ZFYVE16: variants seen among roughly 807,000 people sequenced by gnomAD.
The protein encoded by ZFYVE16 is zinc finger FYVE domain-containing protein 16.
ZFYVE16 carries 89 observed loss-of-function variants against 138.1 expected under a neutral mutation model. That is an observed-to-expected ratio of 0.64 (90% CI 0.54 to 0.77). ZFYVE16 has a LOEUF of 0.77. Among genes scored for constraint, ZFYVE16 ranks in the 30% least tolerant of loss-of-function variants. ZFYVE16 has a pLI of 0.00. For missense variants in ZFYVE16, 1,793 were observed against 1,786.7 expected, an observed-to-expected ratio of 1.00 and a Z score of -0.06; for synonymous variants, 596 against 618.3, an observed-to-expected ratio of 0.96 and a Z score of 0.53.
At chr5:80,445,488 T>C in intron 7 of ZFYVE16, 83 bp downstream of exon 7, 1 of 1,082,974 alleles carries the variant, frequency 9.2e-7, no homozygotes. Context: ...TAGAGTGCTT[T>C]TTTTTTTTTT....
Position 80,436,743 on chromosome 5 carries a change from TTCTC to T in ZFYVE16, c.71-11_71-8del. 6.3e-7 allele frequency: 1 copy of T among 1,589,670 alleles called. No individual in the cohort carries two copies. Among genetic ancestry groups the T allele is most frequent in the Non-Finnish European group, 8.6e-7 (1 of 1,166,550 alleles). On this transcript the variant is annotated splice_polypyrimidine_tract_variant and intron_variant, in intron 3 of 18. Coordinates refer to ENST00000505560, the MANE Select transcript of ZFYVE16 (RefSeq NM_001284236.3). ...ATTTAAGTCTCCCGAATAACACTGTTTCTCTATTTCAGATGAACAAGATTATCTC... is the reference window on the plus strand; with the variant it reads ...ATTTAAGTCTCCCGAATAACACTGTTTATTTCAGATGAACAAGATTATCTC...
intron 3 of ZFYVE16, among the ~76,000 whole-genome samples, chr5:80,436,523 T>TA (rs755934248): frequency 7.2e-5 from 11 of 152,212 alleles, no homozygotes; most frequent in Non-Finnish European, 1.3e-4. Context: ...TTGTGACACT[T>TA]ACTTTCTAGT....
chr5:80,443,184 T>C lies in ZFYVE16; in HGVS notation c.2481T>C (p.Asp827=). The change falls in exon 6 of 19, where the codon GAT becomes GAC. Residue 827 remains aspartate (D), a synonymous_variant. Coordinates refer to ENST00000505560, the MANE Select transcript of ZFYVE16 (RefSeq NM_001284236.3). The stretch of plus-strand genomic sequence containing the variant: ...CTAATCTTAAGTCTAATCATTCTGA[T>C]GAATGTACTACTGTCCAGCCTCCTC... ...TGSNLKSNHS[D]ECTTVQPPQE... is the part of the protein sequence containing the mutation. The C allele has an allele frequency of 1.2e-6, 2 of 1,604,100 alleles. No homozygotes were observed. The highest frequency in any genetic ancestry group is 1.7e-6 in the Non-Finnish European group (2 of 1,177,598).
At chr5:80,424,967 C>T (rs259024) in intron 1 of ZFYVE16, among the ~76,000 whole-genome samples, 133,162 of 152,216 alleles carry the variant, frequency 0.87, 58,972 homozygotes, top group Non-Finnish European at 0.94. Flanking sequence ...CATTTGAAAG[C>T]GACCTTTGCT....
rs758380314 is a variant in ZFYVE16, at chr5:80,449,751, G to A, written c.3226+38G>A. ...TTATCCTTATTTGCTTAATTGGTAA[G>A]CAGGATTTCTGAATTAATTACATCT... On this transcript the variant is annotated intron_variant, in intron 9 of 18. Transcript: ENST00000505560. 7.1e-6 allele frequency: 11 copies of A among 1,549,922 alleles called. No individual in the cohort carries two copies. The East Asian group carries it at 1.7e-4, about 23-fold the overall frequency.
In ZFYVE16 at chr5:80,438,213, G is replaced by A. The variant is rs1171922597; in HGVS notation, c.1528G>A (p.Gly510Arg). ...INTFSSNDMD[G>R]QDLDYFNIDE... ...TACTTTTTCAAGCAATGATATGGAT[G>A]GGCAAGACTTAGATTACTTTAATAT... The change falls in exon 4 of 19, where the codon GGG (glycine) becomes AGG (arginine). Residue 510 changes from glycine to arginine, a missense_variant. Physicochemically the swap from Gly to Arg is moderately radical, Grantham distance 125. Transcript: ENST00000505560. 1 of 1,613,808 alleles carries A rather than the reference G, an allele frequency of 6.2e-7. No individual in the cohort carries two copies. The highest frequency in any genetic ancestry group is 1.3e-5 in the African/African-American group (1 of 74,876).
chr5:80,465,200 T>TTTC (rs1337702992), intron 15 of ZFYVE16, among the ~76,000 whole-genome samples: 2 of 152,102 alleles, frequency 1.3e-5, no homozygotes, highest in African/African-American at 2.4e-5. Context: ...TCCTTTAGTA[T>TTTC]TTCTTGTACT....
Position 80,476,829 on chromosome 5 carries a change from A to G in ZFYVE16, c.4462-390A>G, listed in dbSNP as rs574264906. Among the ~76,000 whole-genome samples the G allele has an allele frequency of 1.2e-4, 18 of 152,328 alleles. 1 individual carries two copies. Among genetic ancestry groups the G allele is most frequent in the African/African-American group, 3.6e-4 (15 of 41,574 alleles). On this transcript the variant is annotated intron_variant, in intron 18 of 18. Transcript: ENST00000505560. ...TTGTATTAAAATGTAATTTGCACCA[A>G]TGTTAGAGTCTAATATTAAATATTA...
chr5:80,450,553 C>G lies in ZFYVE16; in HGVS notation c.3349C>G (p.Leu1117Val). The change falls in exon 10 of 19, where the codon CTA (leucine) becomes GTA (valine). Residue 1117 changes from leucine to valine, a missense_variant. Leu to Val is a conservative substitution (Grantham distance 32, BLOSUM62 1). Coordinates refer to ENST00000505560, the MANE Select transcript of ZFYVE16 (RefSeq NM_001284236.3). ...EDTIPKDIFR[L>V]FITIYKDALK... Reference sequence around the variant, plus strand: ...TACTATTCCTAAGGACATCTTCAGACTATTTATCACCATATATAAGGATGC... The same window carrying G: ...TACTATTCCTAAGGACATCTTCAGAGTATTTATCACCATATATAAGGATGC... The G allele has an allele frequency of 6.2e-7, 1 of 1,613,442 alleles. No individual in the cohort carries two copies. The highest frequency in any genetic ancestry group is 8.5e-7 in the Non-Finnish European group (1 of 1,179,666).
chr5:80,439,313 A>G (rs1056655522), intron 4 of ZFYVE16, among the ~76,000 whole-genome samples: 4 of 152,226 alleles, frequency 2.6e-5, no homozygotes, highest in Non-Finnish European at 5.9e-5. Context: ...GACACATTAA[A>G]TATTCCAGAT....
chr5:80,413,471 CA>C (rs70988468), intron 1 of ZFYVE16, among the ~76,000 whole-genome samples: 11 of 124,464 alleles, frequency 8.8e-5, no homozygotes, highest in Non-Finnish European at 9.7e-5. Context: ...AACTTCATCT[CA>C]AAAAAAAAAA....
At position 80,450,283 on chromosome 5, in the gene ZFYVE16, T is replaced by A. The variant is rs1331792999; in HGVS notation, c.3227-148T>A. 4.2e-6 allele frequency: 3 copies of A among 711,654 alleles called. No individual in the cohort carries two copies. In the African/African-American group the frequency reaches 5.4e-5, roughly 13 times the overall value. 44.1% of individuals were successfully genotyped at this position (711,654 alleles called of 1,614,324 possible). A position where few individuals can be genotyped will look rare whatever the true frequency, so the allele number is the denominator to read the frequency against. ...AATCCTTTTTCTTACTTTATATAAA[T>A]CTTATACAATTCAATTTAAGGTTTT... On this transcript the variant is annotated intron_variant, in intron 9 of 18. Transcript: ENST00000505560.
At chr5:80,410,847 T>G (rs1485821624) in intron 1 of ZFYVE16, among the ~76,000 whole-genome samples, 1 of 150,052 alleles carries the variant, frequency 6.7e-6, no homozygotes, top group Non-Finnish European at 1.5e-5. Context: ...GGATTGCAGG[T>G]ACGAGCCACC....
chr5:80,428,682 C>T (rs1748517782), intron 2 of ZFYVE16, among the ~76,000 whole-genome samples: 1 of 152,176 alleles, frequency 6.6e-6, no homozygotes, highest in Non-Finnish European at 1.5e-5. Context: ...AGTTCGAACC[C>T]ATCGCAAAGA....
At chr5:80,408,417 C>T (rs1048924759) in intron 1 of ZFYVE16, among the ~76,000 whole-genome samples, 3 of 152,226 alleles carry the variant, frequency 2.0e-5, no homozygotes, top group Non-Finnish European at 4.4e-5. Flanking sequence ...CGGCTGTTTG[C>T]CCGGTTCCCC....
chr5:80,466,940 G>A (rs1404200250), intron 15 of ZFYVE16, among the ~76,000 whole-genome samples: 4 of 152,188 alleles, frequency 2.6e-5, no homozygotes, highest in Non-Finnish European at 5.9e-5. Flanking sequence ...CTCCAGCACA[G>A]CAGAAGCCTT....
Position 80,464,515 on chromosome 5 carries a change from G to A in ZFYVE16, c.4024+5021G>A, listed in dbSNP as rs573193815. ...GGGATTACAATTCATGATGAGATTT[G>A]GGTGGGGACACAAAGCCTAACCATA... On this transcript the variant is annotated intron_variant, in intron 15 of 18. Coordinates refer to ENST00000505560, the MANE Select transcript of ZFYVE16 (RefSeq NM_001284236.3). Among the ~76,000 whole-genome samples, 18 of 152,232 alleles carry A rather than the reference G, an allele frequency of 1.2e-4. No homozygotes were observed. The South Asian group carries it at 2.5e-3, about 21-fold the overall frequency.
chr5:80,436,384 G>C (rs1239480674), intron 3 of ZFYVE16, among the ~76,000 whole-genome samples: 1 of 152,170 alleles, frequency 6.6e-6, no homozygotes, highest in Non-Finnish European at 1.5e-5. Context: ...GAGCAACTAT[G>C]CATGAGATCA....
In ZFYVE16 at chr5:80,474,742, G is replaced by A. The variant is rs531525628; in HGVS notation, c.4373G>A (p.Cys1458Tyr). 2 of 1,613,968 alleles carry A rather than the reference G, an allele frequency of 1.2e-6. No homozygotes were observed. The highest frequency in any genetic ancestry group is 1.7e-6 in the Non-Finnish European group (2 of 1,179,898). The change falls in exon 18 of 19, where the codon TGT becomes TAT. Residue 1458 changes from cysteine to tyrosine, a missense_variant. Around this residue, in one of 2 missense-constraint regions of ZFYVE16, gnomAD observed 498 missense variants for 582.4 expected, o/e 0.86. Coordinates refer to ENST00000505560, the MANE Select transcript of ZFYVE16 (RefSeq NM_001284236.3). ...YQFAKEIAMA[C>Y]SAALCPHLKT... Reference sequence around the variant, plus strand: ...TTTGCAAAAGAAATAGCCATGGCTTGTAGTGCTGCGCTGTGCCCTCACCTG... The same window carrying A: ...TTTGCAAAAGAAATAGCCATGGCTTATAGTGCTGCGCTGTGCCCTCACCTG...
Sources: allele counts gnomAD v4.1 joint callset (sites outside exome capture counted in the v4.1 genomes callset), GRCh38; gene constraint gnomAD v4.1.1; regional missense constraint gnomAD v4.1.1; transcripts MANE v1.5; gene names NCBI Gene and HGNC (gene_info 2026-07-23, HGNC 2026-07-21).